Variants in DAB1 observed in about 807,000 individuals in gnomAD.
The protein encoded by DAB1 is DAB adaptor protein 1.
DAB1 carries 15 observed loss-of-function variants against 64.6 expected under a neutral mutation model. The ratio of observed to expected loss-of-function variants is 0.23; its 90% CI spans 0.16 to 0.36. The LOEUF is 0.36. Among genes scored for constraint, DAB1 ranks in the 10% least tolerant of loss-of-function variants. The pLI is 1.00. For synonymous variants in DAB1, 235 were observed against 251.9 expected (o/e 0.93, Z 0.64); for missense variants, 596 against 706.7 (o/e 0.84, Z 1.78).
At chr1:58,080,643 A>T (rs928906219) in intron 5 of DAB1, among the ~76,000 whole-genome samples, 1 of 152,242 alleles carries the variant, frequency 6.6e-6, no homozygotes, top group Non-Finnish European at 1.5e-5. Context: ...TGTGCCTCTC[A>T]TTCCTCACTG....
intron 6 of DAB1, among the ~76,000 whole-genome samples, chr1:57,807,220 T>C (rs1411618365): frequency 6.6e-6 from 1 of 152,222 alleles, no homozygotes; most frequent in Non-Finnish European, 1.5e-5. Flanking sequence ...TATACTTACT[T>C]GTATACTTAC....
At chr1:57,034,933 T>C (rs1163993180) in intron 9 of DAB1, among the ~76,000 whole-genome samples, 2 of 152,024 alleles carry the variant, frequency 1.3e-5, no homozygotes, top group East Asian at 1.9e-4. Context: ...CAGAGCAGAG[T>C]GGAAGAATCA....
chr1:58,312,550 C>T (rs1662453350), intron 4 of DAB1, among the ~76,000 whole-genome samples: 1 of 152,186 alleles, frequency 6.6e-6, no homozygotes, highest in South Asian at 2.1e-4. Flanking sequence ...GCATCCGAAA[C>T]ATTCTGGAAC....
intron 7 of DAB1, among the ~76,000 whole-genome samples, chr1:57,513,680 T>C (rs1364484411): frequency 6.6e-6 from 1 of 152,226 alleles, no homozygotes; most frequent in Non-Finnish European, 1.5e-5. Context: ...CACATACTTA[T>C]CATTTTATTT....
intron 5 of DAB1, among the ~76,000 whole-genome samples, chr1:57,903,889 A>G (rs1203431229): frequency 6.6e-6 from 1 of 152,256 alleles, no homozygotes; most frequent in Non-Finnish European, 1.5e-5. Context: ...GGCCTCTGAT[A>G]AATTTAACCA....
intron 4 of DAB1, among the ~76,000 whole-genome samples, chr1:58,219,562 T>C (rs984690875): frequency 5.3e-5 from 8 of 152,290 alleles, no homozygotes; most frequent in African/African-American, 1.9e-4. Context: ...TTGGGCACTT[T>C]CCAGCCTCAG....
rs748081269 is a variant in DAB1 at position 58,534,296 on chromosome 1, C to T, written n.33-6961G>A. On this transcript the variant is annotated intron_variant and non_coding_transcript_variant, in intron 1 of 20. Transcript: ENST00000485760. ...TAACAGCCAGGTATCGGGCATCTTT[C>T]TCAGTTAGCATATCATTTTTAAATT... 1.5e-5 allele frequency: 13 copies of T among 864,960 alleles called. No homozygotes were observed. The African/African-American group carries it at 2.0e-4, about 13-fold the overall frequency. 53.6% of individuals were successfully genotyped at this position (864,960 alleles called of 1,614,324 possible). A position where few individuals can be genotyped will look rare whatever the true frequency, so the allele number is the denominator to read the frequency against.
At chr1:57,681,757 C>T (rs902364872) in intron 6 of DAB1, among the ~76,000 whole-genome samples, 7 of 152,118 alleles carry the variant, frequency 4.6e-5, no homozygotes, top group Admixed American at 6.6e-5. Flanking sequence ...AGAAAGTCTG[C>T]CTGCACTGCT....
At chr1:57,006,321 T>A (rs1345517703) in intron 14 of DAB1, among the ~76,000 whole-genome samples, 1 of 152,202 alleles carries the variant, frequency 6.6e-6, no homozygotes, top group Non-Finnish European at 1.5e-5. Flanking sequence ...TTGAGTTCAG[T>A]TGGTCCCAAA....
intron 7 of DAB1, among the ~76,000 whole-genome samples, chr1:57,641,918 A>G (rs1462093805): frequency 6.6e-6 from 1 of 152,116 alleles, no homozygotes; most frequent in African/African-American, 2.4e-5. Flanking sequence ...GCAGTTCACA[A>G]ATTTCATCCA....
At chr1:57,106,177 G>C (rs1445262546) in intron 4 of DAB1, among the ~76,000 whole-genome samples, 13 of 151,998 alleles carry the variant, frequency 8.6e-5, no homozygotes, top group Non-Finnish European at 2.9e-5. Flanking sequence ...ACAGAAACGA[G>C]ATCTTAAATG....
intron 1 of DAB1, among the ~76,000 whole-genome samples, chr1:57,306,513 C>CTTTTTTT (rs1166241090): frequency 2.6e-5 from 3 of 114,328 alleles, no homozygotes; most frequent in Non-Finnish European, 5.5e-5. Context: ...TTAGAACAGG[C>CTTTTTTT]TTTTTTTTTT....
chr1:57,411,792 G>T (rs1401473199), intron 1 of DAB1, among the ~76,000 whole-genome samples: 1 of 152,198 alleles, frequency 6.6e-6, no homozygotes, highest in Non-Finnish European at 1.5e-5. Context: ...GACCTGTCGA[G>T]GGTGGTGCTA....
chr1:57,213,471 G>C (rs1437140430), intron 2 of DAB1, among the ~76,000 whole-genome samples: 1 of 151,814 alleles, frequency 6.6e-6, no homozygotes, highest in African/African-American at 2.4e-5. Flanking sequence ...CCTGGCCTTT[G>C]GGCCCTGGGC....
intron 5 of DAB1, among the ~76,000 whole-genome samples, chr1:58,093,518 T>C (rs976262374): frequency 5.3e-5 from 8 of 151,950 alleles, no homozygotes; most frequent in African/African-American, 1.7e-4. Flanking sequence ...GGGATCTAGT[T>C]TGCATGCTCC....
chr1:58,373,259 T>C (rs1644286200), intron 3 of DAB1, among the ~76,000 whole-genome samples: 1 of 148,496 alleles, frequency 6.7e-6, no homozygotes, highest in African/African-American at 2.4e-5. Flanking sequence ...GCCATGCTGG[T>C]GCGCTGCACC....
intron 4 of DAB1, among the ~76,000 whole-genome samples, chr1:58,201,436 G>A: frequency 6.6e-6 from 1 of 152,138 alleles, no homozygotes; most frequent in East Asian, 1.9e-4. Flanking sequence ...AATACCAAAG[G>A]TCCATAAACA....
chr1:57,160,758 C>T (rs1429031810), intron 2 of DAB1, among the ~76,000 whole-genome samples: 1 of 152,152 alleles, frequency 6.6e-6, no homozygotes, highest in Non-Finnish European at 1.5e-5. Context: ...AAGAGCAAGT[C>T]ACTTCATCTC....
upstream of DAB1, among the ~76,000 whole-genome samples, chr1:57,884,601 C>T (rs1360246456): frequency 6.6e-6 from 1 of 152,134 alleles, no homozygotes; most frequent in African/African-American, 2.4e-5. Flanking sequence ...TAGATATTGT[C>T]AAATAACCAT....
Sources: allele counts gnomAD v4.1 joint callset (sites outside exome capture counted in the v4.1 genomes callset), GRCh38; gene constraint gnomAD v4.1.1; transcripts MANE v1.5; gene names NCBI Gene and HGNC (gene_info 2026-07-23, HGNC 2026-07-21).